CENPC: variants seen among roughly 807,000 people sequenced by gnomAD.
The protein encoded by CENPC is centromere protein C.
In CENPC, 63 loss-of-function variants were observed where a neutral mutation model predicts 112.1. That is an observed-to-expected ratio of 0.56 (90% CI 0.46 to 0.69). The LOEUF (loss-of-function observed/expected upper bound fraction) is 0.69. Among genes scored for constraint, CENPC ranks in the 30% least tolerant of loss-of-function variants. The pLI is 0.00. For missense variants in CENPC, 1,000 were observed against 1,103.8 expected (o/e 0.91, Z 1.33); for synonymous variants, 333 against 367.6 (o/e 0.91, Z 1.08).
chr4:67,486,371 T>C (rs1393735442), intron 17 of CENPC, among the ~76,000 whole-genome samples: 1 of 152,170 alleles, frequency 6.6e-6, no homozygotes, highest in Non-Finnish European at 1.5e-5. Context: ...ATAACCGCAA[T>C]ACTGTTATCA....
In CENPC at chr4:67,469,045, G is replaced by C. The variant is rs1376690553; in HGVS notation, c.*3560C>G. ...ACAAATTCACACATATGATGAAATA[G>C]AACTATACACATGCATTGTATCCTT... is the stretch of plus-strand genomic sequence containing the variant. On this transcript the variant is annotated 3_prime_UTR_variant, in exon 19 of 19. Coordinates refer to ENST00000273853, the MANE Select transcript of CENPC (RefSeq NM_001812.4). 6.6e-6 allele frequency: 1 copy of C among 152,170 alleles called. No individual in the cohort carries two copies. The highest frequency in any genetic ancestry group is 1.5e-5 in the Non-Finnish European group (1 of 68,030). The allele number at this position is 152,170 out of a possible 1,614,324, so 9.4% of individuals were successfully genotyped here.
intron 17 of CENPC, among the ~76,000 whole-genome samples, chr4:67,476,813 C>G (rs189330967): frequency 1.3e-5 from 2 of 152,318 alleles, no homozygotes. Flanking sequence ...TGTCTGGATA[C>G]AAACTTGGTT....
rs1305082796 is a variant in CENPC at position 67,490,020 on chromosome 4, T to C, written c.2617A>G (p.Ile873Val). ...DTPFFSTGKLILGPQEEKGKQ... is the reference protein window; with the variant it reads ...DTPFFSTGKLVLGPQEEKGKQ... ...CCCTTTTCTTCTTGTGGTCCTAATATCAATTTCCCAGTAGAAAAAAAGGGT... is the reference window on the plus strand; with the variant it reads ...CCCTTTTCTTCTTGTGGTCCTAATACCAATTTCCCAGTAGAAAAAAAGGGT... The change falls in exon 17 of 19, where the codon ATA becomes GTA. Residue 873 changes from isoleucine to valine, a missense_variant. Ile to Val is a conservative substitution (Grantham distance 29). Transcript: ENST00000273853. 4 of 1,603,566 alleles carry C rather than the reference T, an allele frequency of 2.5e-6. No homozygotes were observed. The South Asian group carries it at 3.4e-5, about 13-fold the overall frequency.
Position 67,472,320 on chromosome 4 carries a change from C to A in CENPC, c.*285G>T, listed in dbSNP as rs1724687371. On this transcript the variant is annotated 3_prime_UTR_variant, in exon 19 of 19. Coordinates refer to ENST00000273853, the MANE Select transcript of CENPC (RefSeq NM_001812.4). ...TAATGAGTAGACATATTAATCAGGT[C>A]TCTTTTGACACAGAAATGTTCTATA... is the stretch of plus-strand genomic sequence containing the variant. 1 of 213,300 alleles carries A rather than the reference C, an allele frequency of 4.7e-6. No individual in the cohort carries two copies. The highest frequency in any genetic ancestry group is 6.0e-5 in the Admixed American group (1 of 16,740). The allele number at this position is 213,300 out of a possible 1,614,324, so 13.2% of individuals were successfully genotyped here. A position where few individuals can be genotyped will look rare whatever the true frequency, so the allele number is the denominator to read the frequency against.
intron 13 of CENPC, among the ~76,000 whole-genome samples, chr4:67,494,364 C>T (rs1420557992): frequency 6.6e-6 from 1 of 152,182 alleles, no homozygotes; most frequent in Non-Finnish European, 1.5e-5. Flanking sequence ...AAGTTGCCTA[C>T]TGCTCTTAGG....
intron 5 of CENPC, among the ~76,000 whole-genome samples, chr4:67,525,511 T>C (rs905775184): frequency 1.3e-5 from 2 of 151,970 alleles, no homozygotes; most frequent in African/African-American, 4.8e-5. Flanking sequence ...GGGCAAATGA[T>C]ATGAACAGAC....
At position 67,495,211 on chromosome 4, in the gene CENPC, A is replaced by G; in HGVS notation, c.2133T>C (p.Asp711=). The change falls in exon 13 of 19, where the codon GAT becomes GAC. Residue 711 remains aspartate, a splice_region_variant and synonymous_variant. Coordinates refer to ENST00000273853, the MANE Select transcript of CENPC (RefSeq NM_001812.4). Reference sequence around the variant, plus strand: ...GTATCACTTTAGATTGTTTTGAGTCATCTACAAAATGCAAAAGATAATATC... The same window carrying G: ...GTATCACTTTAGATTGTTTTGAGTCGTCTACAAAATGCAAAAGATAATATC... ...VDDEEVHGSS[D]DSKQSKVIPK... is the part of the protein sequence containing the mutation. 2.0e-6 allele frequency: 3 copies of G among 1,528,830 alleles called. No homozygotes were observed. Among genetic ancestry groups the G allele is most frequent in the Non-Finnish European group, 2.6e-6 (3 of 1,139,242 alleles). 94.7% of individuals were successfully genotyped at this position (1,528,830 alleles called of 1,614,324 possible). A position where few individuals can be genotyped will look rare whatever the true frequency, so the allele number is the denominator to read the frequency against.
chr4:67,492,673 G>T, intron 15 of CENPC, 196 bp downstream of exon 15: 1 of 847,160 alleles, frequency 1.2e-6, no homozygotes, highest in Non-Finnish European at 1.6e-6. Context: ...TTTATAATAT[G>T]CTATTAATAA....
intron 13 of CENPC, 138 bp downstream of exon 13, chr4:67,495,021 G>A: frequency 2.4e-6 from 2 of 834,510 alleles, no homozygotes; most frequent in Non-Finnish European, 3.4e-6. Flanking sequence ...TAAAAACTAA[G>A]TGCATAATTT....
chr4:67,481,519 T>C (rs1376268755), intron 17 of CENPC, among the ~76,000 whole-genome samples: 2 of 152,084 alleles, frequency 1.3e-5, no homozygotes, highest in East Asian at 1.9e-4. Flanking sequence ...TATAAACATA[T>C]AGTTACCAAA....
chr4:67,525,884 C>A (rs539489105), intron 5 of CENPC, among the ~76,000 whole-genome samples: 1 of 152,162 alleles, frequency 6.6e-6, no homozygotes, highest in Admixed American at 6.5e-5. Flanking sequence ...GTGTTTACTG[C>A]AGCACTATTT....
chr4:67,510,554 T>C (rs1173977892), intron 9 of CENPC: 5 of 153,930 alleles, frequency 3.2e-5, no homozygotes, highest in African/African-American at 1.2e-4. Context: ...TTCAAGAAGG[T>C]ACTCATTTTC....
chr4:67,508,513 T>TAAAAAAA (rs34160703), intron 10 of CENPC, among the ~76,000 whole-genome samples: 6 of 91,152 alleles, frequency 6.6e-5, no homozygotes, highest in African/African-American at 1.3e-4. Flanking sequence ...CTCTGTCTCT[T>TAAAAAAA]AAAAAAAAAA....
intron 2 of CENPC, 146 bp from the exon 3 acceptor site, chr4:67,541,196 G>C (rs1476714080): frequency 5.1e-6 from 3 of 585,152 alleles, no homozygotes; most frequent in Non-Finnish European, 8.9e-6. Context: ...ACAAGTACTT[G>C]AGGGTCTATA....
intron 7 of CENPC, among the ~76,000 whole-genome samples, chr4:67,517,034 T>G (rs1369651253): frequency 6.6e-6 from 1 of 152,014 alleles, no homozygotes; most frequent in African/African-American, 2.4e-5. Flanking sequence ...AACGCATTTG[T>G]TTCAGATGGT....
chr4:67,507,009 G>A lies in CENPC; in HGVS notation c.1905-75C>T, dbSNP rs527287697. 4.9e-5 allele frequency: 54 copies of A among 1,099,032 alleles called. No individual in the cohort carries two copies. In the South Asian group the frequency reaches 8.1e-4, roughly 16 times the overall value. The allele number at this position is 1,099,032 out of a possible 1,614,324, so 68.1% of individuals were successfully genotyped here. On this transcript the variant is annotated intron_variant, in intron 10 of 18. Transcript: ENST00000273853. ...TTTCTTCCAGAAACGATACACAGGT[G>A]GGTACAAAGACAATGTAATATTGGC...
chr4:67,519,218 T>A lies in CENPC; in HGVS notation c.616A>T (p.Arg206Trp), dbSNP rs1224245644. 1.3e-6 allele frequency: 2 copies of A among 1,517,246 alleles called. No individual in the cohort carries two copies. The highest frequency in any genetic ancestry group is 1.4e-5 in the African/African-American group (1 of 71,910). The allele number at this position is 1,517,246 out of a possible 1,614,324, so 94.0% of individuals were successfully genotyped here. A position where few individuals can be genotyped will look rare whatever the true frequency, so the allele number is the denominator to read the frequency against. Residue 206 changes from arginine to tryptophan, a missense_variant and splice_region_variant, in exon 6 of 19, where the codon AGG (arginine) becomes TGG (tryptophan). Coordinates refer to ENST00000273853, the MANE Select transcript of CENPC (RefSeq NM_001812.4). Reference sequence around the variant, plus strand: ...AACATTATTTAAATAAAATGTTACCTTTTTTTGGTTTTAACTGAAACCTCT... The same window carrying A: ...AACATTATTTAAATAAAATGTTACCATTTTTTGGTTTTAACTGAAACCTCT... ...STEVSVKTKK[R>W]LNFDDKVMLK...
At chr4:67,536,813 A>G (rs1726731001) in intron 4 of CENPC, among the ~76,000 whole-genome samples, 1 of 151,758 alleles carries the variant, frequency 6.6e-6, no homozygotes, top group Non-Finnish European at 1.5e-5. Flanking sequence ...AAACAAGCAA[A>G]TGAGAGGACC....
rs1012060458 is a variant in CENPC, at chr4:67,472,018, G to A, written c.*587C>T. On this transcript the variant is annotated 3_prime_UTR_variant, in exon 19 of 19. Coordinates refer to ENST00000273853, the MANE Select transcript of CENPC (RefSeq NM_001812.4). Reference sequence around the variant, plus strand: ...TACCGGTGCAAGCCAAGGAATGCCAGAAATTGCCAGTAAACCACCAGAAGT... The same window carrying A: ...TACCGGTGCAAGCCAAGGAATGCCAAAAATTGCCAGTAAACCACCAGAAGT... 1.2e-4 allele frequency: 19 copies of A among 152,200 alleles called. No individual in the cohort carries two copies. The highest frequency in any genetic ancestry group is 4.4e-5 in the Non-Finnish European group (3 of 68,042). The allele number at this position is 152,200 out of a possible 1,614,324, so 9.4% of individuals were successfully genotyped here.
Sources: gnomAD v4.1 joint callset for allele counts (sites outside exome capture counted in the v4.1 genomes callset) on GRCh38, gnomAD v4.1.1 for gene constraint, MANE v1.5 for transcripts, NCBI Gene and HGNC (gene_info 2026-07-23, HGNC 2026-07-21) for gene names.